Variants in VWA8 observed in about 807,000 individuals in gnomAD.
VWA8 encodes von Willebrand factor A domain-containing protein 8.
A neutral mutation model predicts 241.5 loss-of-function variants in VWA8; 221 were observed. The observed-to-expected ratio is 0.91, with a 90% CI of 0.82 to 1.02. The LOEUF (loss-of-function observed/expected upper bound fraction) is 1.02. VWA8 is among the 50% of genes least tolerant of loss of function. The probability of loss-of-function intolerance (pLI) is 0.00; values close to 1 mark genes in which losing one functional copy is unlikely to be tolerated. For synonymous variants in VWA8, 852 were observed against 827.1 expected, an observed-to-expected ratio of 1.03 and a Z score of -0.52; for missense variants, 2,322 against 2,328.7, an observed-to-expected ratio of 1.00 and a Z score of 0.06.
intron 42 of VWA8, among the ~76,000 whole-genome samples, chr13:41,578,972 A>G (rs2044366435): frequency 6.6e-6 from 1 of 152,222 alleles, no homozygotes; most frequent in African/African-American, 2.4e-5. Context: ...AGTATAACAA[A>G]CAAAAACAAA....
chr13:41,688,125 G>A (rs200635194), intron 34 of VWA8, among the ~76,000 whole-genome samples: 5 of 151,858 alleles, frequency 3.3e-5, no homozygotes, highest in Non-Finnish European at 5.9e-5. Flanking sequence ...TTTCAATAAC[G>A]TTTCATTTTG....
chr13:41,635,342 G>A (rs186638320), intron 37 of VWA8, among the ~76,000 whole-genome samples: 256 of 152,216 alleles, frequency 1.7e-3, no homozygotes, highest in African/African-American at 5.7e-3. Context: ...GAAGAAACAT[G>A]AGTATGCTAT....
chr13:41,574,280 A>G lies in VWA8; in HGVS notation c.5370+1460T>C, dbSNP rs373290150. ...TCAGTAACACTGCTATATGCCAACA[A>G]TGACCAAGCTGAGAATCAAATCAAG... On this transcript the variant is annotated intron_variant, in intron 43 of 44. Transcript: ENST00000379310. Among the ~76,000 whole-genome samples, 211 of 152,296 alleles carry G rather than the reference A, an allele frequency of 1.4e-3. 2 individuals are homozygous for G. Among genetic ancestry groups the G allele is most frequent in the African/African-American group, 5.0e-3 (207 of 41,564 alleles).
chr13:41,784,691 C>CAT (rs1869062520), intron 18 of VWA8, among the ~76,000 whole-genome samples: 4 of 45,458 alleles, frequency 8.8e-5, no homozygotes, highest in African/African-American at 2.6e-4. Flanking sequence ...TATACATATA[C>CAT]ATATACATAT....
At chr13:41,942,162 T>A (rs1259478100) in intron 2 of VWA8, among the ~76,000 whole-genome samples, 1 of 152,200 alleles carries the variant, frequency 6.6e-6, no homozygotes. Flanking sequence ...GTGAAGAATT[T>A]ATGTCATTAG....
At chr13:41,830,196 T>C (rs1384599253) in intron 14 of VWA8, among the ~76,000 whole-genome samples, 1 of 150,440 alleles carries the variant, frequency 6.6e-6, no homozygotes, top group African/African-American at 2.5e-5. Context: ...TGAGCCGAGA[T>C]TGCGCCACCG....
intron 1 of VWA8, among the ~76,000 whole-genome samples, chr13:41,953,316 C>A (rs1347567809): frequency 6.6e-6 from 1 of 152,148 alleles, no homozygotes; most frequent in Admixed American, 6.5e-5. Context: ...AATGCATATT[C>A]TATTTATTAT....
chr13:41,878,698 C>A (rs1874019680), intron 9 of VWA8, among the ~76,000 whole-genome samples: 2 of 152,102 alleles, frequency 1.3e-5, no homozygotes. Flanking sequence ...AATTTGAAAT[C>A]ATTTCTGTTC....
chr13:41,905,804 C>T (rs1169307018), intron 4 of VWA8, among the ~76,000 whole-genome samples: 1 of 152,050 alleles, frequency 6.6e-6, no homozygotes. Flanking sequence ...TGCTCTTACC[C>T]TGTAGAGGTA....
intron 12 of VWA8, among the ~76,000 whole-genome samples, chr13:41,834,536 T>C (rs1260380147): frequency 6.6e-6 from 1 of 152,160 alleles, no homozygotes; most frequent in South Asian, 2.1e-4. Context: ...CTTCTCACTA[T>C]CAAGAAAGTA....
intron 37 of VWA8, among the ~76,000 whole-genome samples, chr13:41,619,313 T>C (rs1482591383): frequency 6.6e-6 from 1 of 152,230 alleles, no homozygotes; most frequent in Admixed American, 6.5e-5. Context: ...TTTTGCACAT[T>C]GATTTTGTAA....
chr13:41,646,655 T>C (rs891780981), intron 37 of VWA8, among the ~76,000 whole-genome samples: 1 of 152,240 alleles, frequency 6.6e-6, no homozygotes, highest in African/African-American at 2.4e-5. Context: ...TTCAATGTTT[T>C]ATAAAGCATA....
intron 2 of VWA8, among the ~76,000 whole-genome samples, chr13:41,944,835 T>A (rs199754454): frequency 6.6e-6 from 1 of 151,812 alleles, no homozygotes; most frequent in East Asian, 1.9e-4. Flanking sequence ...TCAAAAAAAA[T>A]CAACAATTGT....
At chr13:41,637,927 G>T (rs2044769859) in intron 37 of VWA8, among the ~76,000 whole-genome samples, 2 of 152,304 alleles carry the variant, frequency 1.3e-5, no homozygotes, top group South Asian at 4.1e-4. Context: ...TGGAAACCAG[G>T]TGACTTGAGT....
rs1258685830 is a variant in VWA8, at chr13:41,811,325, C to G, written c.1963G>C (p.Ala655Pro). The G allele has an allele frequency of 3.9e-5, 63 of 1,608,770 alleles. No homozygotes were observed. Among genetic ancestry groups the G allele is most frequent in the Non-Finnish European group, 5.3e-5 (62 of 1,176,380 alleles). The change falls in exon 17 of 45, where the codon GCA (alanine) becomes CCA (proline). Residue 655 changes from alanine to proline, a missense_variant. Ala to Pro is a conservative substitution (Grantham distance 27). Coordinates refer to ENST00000379310, the MANE Select transcript of VWA8 (RefSeq NM_015058.2). Reference protein sequence around the residue: ...TQDPTAQSLAASLSTRQLLRI... With the variant: ...TQDPTAQSLAPSLSTRQLLRI... ...AACAGTTGTCTGGTAGAAAGTGATG[C>G]CGCTAATGATTGTGCCTATCAAAAG...
At chr13:41,828,372 TGAG>T (rs545347258) in intron 14 of VWA8, among the ~76,000 whole-genome samples, 5 of 152,256 alleles carry the variant, frequency 3.3e-5, no homozygotes, top group Non-Finnish European at 7.3e-5. Flanking sequence ...GATTAAGTGA[TGAG>T]GAGTTCCTCT....
At chr13:41,703,626 T>C (rs965168912) in intron 26 of VWA8, among the ~76,000 whole-genome samples, 4 of 152,178 alleles carry the variant, frequency 2.6e-5, no homozygotes, top group African/African-American at 9.7e-5. Flanking sequence ...ACTAAGAAGG[T>C]AAGGCAAGGT....
intron 1 of VWA8, among the ~76,000 whole-genome samples, chr13:41,955,437 G>C (rs1566051418): frequency 1.3e-5 from 2 of 152,108 alleles, no homozygotes; most frequent in African/African-American, 4.8e-5. Context: ...TAGCCCTTCT[G>C]GTGCACCATA....
intron 29 of VWA8, 37 bp from the exon 30 acceptor site, chr13:41,693,009 GTTCTTT>G: frequency 9.5e-7 from 1 of 1,057,786 alleles, no homozygotes; most frequent in Non-Finnish European, 1.3e-6. Context: ...CTCAAGATTT[GTTCTTT>G]TTTTTTTTTT....
Sources: allele counts gnomAD v4.1 joint callset (sites outside exome capture counted in the v4.1 genomes callset), GRCh38; gene constraint gnomAD v4.1.1; transcripts MANE v1.5; gene names NCBI Gene and HGNC (gene_info 2026-07-23, HGNC 2026-07-21).